The following DCLK3 variants were observed in gnomAD, a reference collection of about 807,000 sequenced individuals.
DCLK3 encodes the protein serine/threonine-protein kinase DCLK3.
In DCLK3, 30 loss-of-function variants were observed where a neutral mutation model predicts 46.4. The observed-to-expected ratio is 0.65, with a 90% CI of 0.48 to 0.88. DCLK3 has a LOEUF of 0.88. DCLK3 is among the 40% of genes least tolerant of loss of function. The probability of loss-of-function intolerance (pLI) is 0.00; values close to 1 mark genes in which losing one functional copy is unlikely to be tolerated. For synonymous variants in DCLK3, 401 were observed against 339.2 expected (o/e 1.18, Z -2.00); for missense variants, 846 against 907.1 (o/e 0.93, Z 0.87).
intron 1 of DCLK3, among the ~76,000 whole-genome samples, chr3:36,747,732 C>A (rs1197067753): frequency 2.0e-5 from 3 of 152,136 alleles, no homozygotes; most frequent in Non-Finnish European, 4.4e-5. Flanking sequence ...ATACCTTCAG[C>A]TTAAAATAAT....
chr3:36,738,624 C>G lies in DCLK3; in HGVS notation c.543G>C (p.Gln181His), dbSNP rs763279531. 1 of 1,362,128 alleles carries G rather than the reference C, an allele frequency of 7.3e-7. No homozygotes were observed. The highest frequency in any genetic ancestry group is 1.5e-5 in the African/African-American group (1 of 66,898). The allele number at this position is 1,362,128 out of a possible 1,614,324, so 84.4% of individuals were successfully genotyped here. The change falls in exon 2 of 5, where the codon CAG (glutamine) becomes CAC (histidine). Residue 181 changes from glutamine (Q) to histidine (H), a missense_variant. Around this residue, in one of 3 missense-constraint regions of DCLK3, gnomAD observed 553 missense variants for 543.0 expected, o/e 1.02. Coordinates refer to ENST00000636136, the MANE Select transcript of DCLK3 (RefSeq NM_001394672.2). Reference protein sequence around the residue: ...GKEPLTLKSIQVAVEELYPNK... With the variant: ...GKEPLTLKSIHVAVEELYPNK... ...TGGGGTACAGTTCTTCTACAGCCAC[C>G]TGAATGCTCTTCAGTGTCAGTGGTT...
rs569862280 is a variant in DCLK3 at position 36,713,357 on chromosome 3, G to A, written c.*1971C>T. The A allele has an allele frequency of 9.9e-5, 15 of 152,276 alleles. No homozygotes were observed. The highest frequency in any genetic ancestry group is 3.6e-4 in the African/African-American group (15 of 41,548). The allele number at this position is 152,276 out of a possible 1,614,324, so 9.4% of individuals were successfully genotyped here. A position where few individuals can be genotyped will look rare whatever the true frequency, so the allele number is the denominator to read the frequency against. On this transcript the variant is annotated 3_prime_UTR_variant, in exon 5 of 5. Transcript: ENST00000636136. ...ATAGGGTCAAGTGATGCTAATTTGAGGATTGAAAATTCTCTTTTGGATTTA... is the reference window on the plus strand; with the variant it reads ...ATAGGGTCAAGTGATGCTAATTTGAAGATTGAAAATTCTCTTTTGGATTTA...
rs750905282 is a variant in DCLK3 at position 36,715,339 on chromosome 3, G to A, written c.2443C>T (p.Gln815Ter). The A allele has an allele frequency of 2.5e-6, 4 of 1,613,998 alleles. No homozygotes were observed. Among genetic ancestry groups the A allele is most frequent in the Non-Finnish European group, 1.7e-6 (2 of 1,180,016 alleles). The stretch of plus-strand genomic sequence containing the variant: ...TCCCAAGGTGGTGACTATGATACCT[G>A]CTCCACAACCCTCTTGTGCTGGCTC... The part of the protein sequence containing the change: ...FRSQHKRVVE[Q>*]VS The change falls in exon 5 of 5, where the codon CAG (glutamine) becomes TAG (stop). Residue 815 changes from glutamine (Q) to a stop codon, truncating the protein, a stop_gained. Transcript: ENST00000636136. LOFTEE classifies it high-confidence loss of function.
At chr3:36,757,366 C>G (rs1575148393) in intron 1 of DCLK3, among the ~76,000 whole-genome samples, 1 of 152,194 alleles carries the variant, frequency 6.6e-6, no homozygotes, top group East Asian at 1.9e-4. Flanking sequence ...ATCGTTTGTG[C>G]TCTTAAAATA....
In DCLK3 at chr3:36,715,298, T is replaced by A; in HGVS notation, c.*30A>T. The A allele has an allele frequency of 6.2e-7, 1 of 1,612,842 alleles. No individual in the cohort carries two copies. The highest frequency in any genetic ancestry group is 8.5e-7 in the Non-Finnish European group (1 of 1,179,552). On this transcript the variant is annotated 3_prime_UTR_variant, in exon 5 of 5. Coordinates refer to ENST00000636136, the MANE Select transcript of DCLK3 (RefSeq NM_001394672.2). ...CCTTTTCTCTGTCCTTGAGCAGAAC[T>A]GGGGGCTGGACAGATTCCCAAGGTG...
At chr3:36,759,526 A>C (rs1701519826) in intron 1 of DCLK3, among the ~76,000 whole-genome samples, 1 of 152,234 alleles carries the variant, frequency 6.6e-6, no homozygotes, top group African/African-American at 2.4e-5. Flanking sequence ...TAAACTACCA[A>C]GATGATGAAG....
intron 1 of DCLK3, among the ~76,000 whole-genome samples, chr3:36,763,678 C>A (rs1377875847): frequency 6.6e-6 from 1 of 152,266 alleles, no homozygotes; most frequent in African/African-American, 2.4e-5. Flanking sequence ...CTGGGCAAGG[C>A]ACGAGCTCTG....
chr3:36,749,764 G>C (rs1053052500), intron 1 of DCLK3, among the ~76,000 whole-genome samples: 2 of 152,170 alleles, frequency 1.3e-5, no homozygotes, highest in Non-Finnish European at 2.9e-5. Context: ...AAATGATTTT[G>C]ACTTCTTGAT....
intron 2 of DCLK3, among the ~76,000 whole-genome samples, chr3:36,735,278 C>A (rs977935745): frequency 6.6e-6 from 1 of 152,036 alleles, no homozygotes; most frequent in Admixed American, 6.6e-5. Flanking sequence ...TGGGCTCAGA[C>A]CCAAAAGACG....
intron 1 of DCLK3, among the ~76,000 whole-genome samples, chr3:36,762,945 T>G (rs1007523955): frequency 1.3e-5 from 2 of 152,158 alleles, no homozygotes; most frequent in African/African-American, 4.8e-5. Flanking sequence ...CTCTTTTCTT[T>G]TTTTTTTTCT....
rs1248273497 is a variant in DCLK3 at position 36,720,479 on chromosome 3, C to CTCAT, written c.2092+1044_2092+1047dup. Among the ~76,000 whole-genome samples the CTCAT allele has an allele frequency of 9.2e-5, 14 of 151,548 alleles. No individual in the cohort carries two copies. The East Asian group carries it at 1.4e-3, about 15-fold the overall frequency. The stretch of plus-strand genomic sequence containing the variant: ...CTTCTCCATGTCTCTAACACCTGAC[C>CTCAT]TCATGCATGTTGTCATCTCCTCATC... On this transcript the variant is annotated intron_variant, in intron 3 of 4. Transcript: ENST00000636136.
intron 1 of DCLK3, among the ~76,000 whole-genome samples, chr3:36,750,135 C>A (rs914093408): frequency 1.3e-5 from 2 of 152,180 alleles, no homozygotes; most frequent in East Asian, 3.8e-4. Flanking sequence ...GGCTGAAGTG[C>A]AGTGGCGCAA....
At chr3:36,724,284 G>C (rs1293339149) in intron 2 of DCLK3, among the ~76,000 whole-genome samples, 4 of 152,200 alleles carry the variant, frequency 2.6e-5, no homozygotes, top group Non-Finnish European at 5.9e-5. Context: ...TGATTCTACA[G>C]GCTCACAGGA....
At chr3:36,748,680 G>A (rs745689544) in intron 1 of DCLK3, among the ~76,000 whole-genome samples, 36 of 152,152 alleles carry the variant, frequency 2.4e-4, no homozygotes, top group Non-Finnish European at 4.1e-4. Flanking sequence ...TGCTCCCAGG[G>A]TCCGTGAGGC....
In DCLK3 at chr3:36,713,130, C is replaced by A. The variant is rs1179296944; in HGVS notation, c.*2198G>T. The A allele has an allele frequency of 1.3e-5, 2 of 152,158 alleles. No homozygotes were observed. The highest frequency in any genetic ancestry group is 4.8e-5 in the African/African-American group (2 of 41,442). 9.4% of individuals were successfully genotyped at this position (152,158 alleles called of 1,614,324 possible). ...TCTCATTTTAGCCATTTAATTTTAGCTATTCTAATGGGTGTATAGTGATAT... is the reference window on the plus strand; with the variant it reads ...TCTCATTTTAGCCATTTAATTTTAGATATTCTAATGGGTGTATAGTGATAT... On this transcript the variant is annotated 3_prime_UTR_variant, in exon 5 of 5. Coordinates refer to ENST00000636136, the MANE Select transcript of DCLK3 (RefSeq NM_001394672.2).
At chr3:36,715,612 C>T (rs1247241902) in intron 4 of DCLK3, 91 bp from the exon 5 acceptor site, 27 of 1,394,744 alleles carry the variant, frequency 1.9e-5, no homozygotes, top group Middle Eastern at 1.9e-4. Context: ...TAAACATTCA[C>T]GTCAGCACCA....
At chr3:36,744,319 C>T (rs1301132848) in intron 1 of DCLK3, among the ~76,000 whole-genome samples, 2 of 152,204 alleles carry the variant, frequency 1.3e-5, no homozygotes, top group Admixed American at 6.5e-5. Flanking sequence ...CTCCTGAATA[C>T]ATTAGATAAG....
At chr3:36,749,896 C>T (rs1701424413) in intron 1 of DCLK3, among the ~76,000 whole-genome samples, 1 of 152,094 alleles carries the variant, frequency 6.6e-6, no homozygotes, top group Non-Finnish European at 1.5e-5. Flanking sequence ...AGTTGCAAAA[C>T]ACTGGAGCTG....
chr3:36,714,728 G>A lies in DCLK3; in HGVS notation c.*600C>T, dbSNP rs1700952968. On this transcript the variant is annotated 3_prime_UTR_variant, in exon 5 of 5. Transcript: ENST00000636136. Reference sequence around the variant, plus strand: ...CCATGTCTCAGACTGCACCAAAACTGATTTTTGGTAAGACTGAAATGCAAG... The same window carrying A: ...CCATGTCTCAGACTGCACCAAAACTAATTTTTGGTAAGACTGAAATGCAAG... 2 of 152,214 alleles carry A rather than the reference G, an allele frequency of 1.3e-5. No homozygotes were observed. The highest frequency in any genetic ancestry group is 1.3e-4 in the Admixed American group (2 of 15,284). The allele number at this position is 152,214 out of a possible 1,614,324, so 9.4% of individuals were successfully genotyped here.
Sources: gnomAD v4.1 joint callset for allele counts (sites outside exome capture counted in the v4.1 genomes callset) on GRCh38, gnomAD v4.1.1 for gene constraint, gnomAD v4.1.1 regional missense constraint, MANE v1.5 for transcripts, NCBI Gene and HGNC (gene_info 2026-07-23, HGNC 2026-07-21) for gene names.